The following TSC22D1 variants were observed in gnomAD, a reference collection of about 807,000 sequenced individuals.
The protein encoded by TSC22D1 is TSC22 domain family protein 1.
TSC22D1 carries 9 observed loss-of-function variants against 74.2 expected under a neutral mutation model. That is an observed-to-expected ratio of 0.12 (90% confidence interval 0.07 to 0.21). The LOEUF is 0.21. Among genes scored for constraint, TSC22D1 ranks in the 10% least tolerant of loss-of-function variants. The pLI is 1.00. For missense variants in TSC22D1, 1,427 were observed against 1,304.7 expected, an observed-to-expected ratio of 1.09 and a Z score of -1.44; for synonymous variants, 586 against 492.5, an observed-to-expected ratio of 1.19 and a Z score of -2.51.
chr13:44,572,087 T>C (rs1883808250), intron 1 of TSC22D1, among the ~76,000 whole-genome samples: 1 of 152,194 alleles, frequency 6.6e-6, no homozygotes, highest in Non-Finnish European at 1.5e-5. Flanking sequence ...TAATTAAATA[T>C]CTTGCACGCT....
chr13:44,544,010 C>A (rs1384177045), intron 1 of TSC22D1, among the ~76,000 whole-genome samples: 1 of 152,116 alleles, frequency 6.6e-6, no homozygotes, highest in African/African-American at 2.4e-5. Context: ...GGAGAACCGC[C>A]TGAGCCTGGG....
intron 1 of TSC22D1, among the ~76,000 whole-genome samples, chr13:44,511,619 T>TAC (rs66743224): frequency 0.34 from 50,669 of 147,936 alleles, 8,799 homozygotes; most frequent in Middle Eastern, 0.43. Flanking sequence ...TAAAAAGAAA[T>TAC]ACACACACAC....
rs1874186423 is a variant in TSC22D1 at position 44,433,089 on chromosome 13, T to A, written c.*1537A>T. ...ACCCAGGGTGACAGGGTTCTTAAAG[T>A]GGAAATCAGCTTCTCCAACTTCCGT... On this transcript the variant is annotated 3_prime_UTR_variant, in exon 3 of 3. Transcript: ENST00000458659. 6.6e-6 allele frequency: 1 copy of A among 152,226 alleles called. No homozygotes were observed. Among genetic ancestry groups the A allele is most frequent in the Non-Finnish European group, 1.5e-5 (1 of 68,050 alleles). The allele number at this position is 152,226 out of a possible 1,614,324, so 9.4% of individuals were successfully genotyped here. A position where few individuals can be genotyped will look rare whatever the true frequency, so the allele number is the denominator to read the frequency against.
chr13:44,435,126 C>T, intron 2 of TSC22D1: 1 of 428,618 alleles, frequency 2.3e-6, no homozygotes, highest in Non-Finnish European at 4.1e-6. Flanking sequence ...CAGAAACGCC[C>T]AAGTAAGGCT....
chr13:44,556,995 T>C (rs2138180453), intron 1 of TSC22D1, among the ~76,000 whole-genome samples: 1 of 150,094 alleles, frequency 6.7e-6, no homozygotes, highest in East Asian at 2.0e-4. Flanking sequence ...AATACAAAAT[T>C]AGCCAGGCAT....
chr13:44,465,904 C>T (rs1877253829), intron 1 of TSC22D1, among the ~76,000 whole-genome samples: 1 of 152,112 alleles, frequency 6.6e-6, no homozygotes. Context: ...ACCCAGGAGG[C>T]AGAGGTTGCA....
rs369419866 is a variant in TSC22D1 at position 44,433,107 on chromosome 13, A to G, written c.*1519T>C. 2.0e-5 allele frequency: 3 copies of G among 152,212 alleles called. No individual in the cohort carries two copies. The highest frequency in any genetic ancestry group is 3.8e-4 in the East Asian group (2 of 5,198). The allele number at this position is 152,212 out of a possible 1,614,324, so 9.4% of individuals were successfully genotyped here. A position where few individuals can be genotyped will look rare whatever the true frequency, so the allele number is the denominator to read the frequency against. On this transcript the variant is annotated 3_prime_UTR_variant, in exon 3 of 3. Transcript: ENST00000458659. The stretch of plus-strand genomic sequence containing the variant: ...CTTAAAGTGGAAATCAGCTTCTCCA[A>G]CTTCCGTCTTTTGATCCTAGATCTG...
chr13:44,455,799 TCTAC>T (rs1376696459), intron 1 of TSC22D1, among the ~76,000 whole-genome samples: 1 of 152,214 alleles, frequency 6.6e-6, no homozygotes, highest in African/African-American at 2.4e-5. Context: ...TATCTTTATT[TCTAC>T]CTCACACCAC....
intron 1 of TSC22D1, among the ~76,000 whole-genome samples, chr13:44,518,235 A>C (rs1880145689): frequency 6.6e-6 from 1 of 152,108 alleles, no homozygotes; most frequent in South Asian, 2.1e-4. Flanking sequence ...AAAGAAGTTA[A>C]ACATCTCAGA....
At chr13:44,473,537 C>T (rs1877726049) in intron 1 of TSC22D1, among the ~76,000 whole-genome samples, 1 of 151,870 alleles carries the variant, frequency 6.6e-6, no homozygotes, top group African/African-American at 2.4e-5. Context: ...TAAAACTGTA[C>T]AATTGGATGA....
chr13:44,539,362 T>C (rs1881330155), intron 1 of TSC22D1: 1 of 985,362 alleles, frequency 1.0e-6, no homozygotes, highest in Non-Finnish European at 1.2e-6. Context: ...AGGATAACAC[T>C]TGGACATGTG....
At chr13:44,485,433 T>C (rs1350650296) in intron 1 of TSC22D1, among the ~76,000 whole-genome samples, 2 of 152,182 alleles carry the variant, frequency 1.3e-5, no homozygotes, top group African/African-American at 4.8e-5. Context: ...ACAAGGTTAT[T>C]AAAAGTGTTT....
At chr13:44,527,018 T>C (rs1213573091) in intron 1 of TSC22D1, among the ~76,000 whole-genome samples, 1 of 152,114 alleles carries the variant, frequency 6.6e-6, no homozygotes, top group Non-Finnish European at 1.5e-5. Context: ...TCAGGAACCA[T>C]GCAAGCAAGA....
intron 1 of TSC22D1, among the ~76,000 whole-genome samples, chr13:44,564,542 A>C (rs768511450): frequency 3.3e-4 from 51 of 152,338 alleles, no homozygotes; most frequent in Non-Finnish European, 5.6e-4. Context: ...GCCTAGAAGA[A>C]GAATGGATGA....
At chr13:44,501,289 T>A (rs1879210328) in intron 1 of TSC22D1, among the ~76,000 whole-genome samples, 1 of 152,036 alleles carries the variant, frequency 6.6e-6, no homozygotes, top group Non-Finnish European at 1.5e-5. Flanking sequence ...ATCCCAACGA[T>A]AGGAAATCAC....
At chr13:44,466,566 T>C (rs9533869) in intron 1 of TSC22D1, among the ~76,000 whole-genome samples, 15,059 of 151,570 alleles carry the variant, frequency 0.099, 772 homozygotes, top group Non-Finnish European at 0.11. Context: ...CTCAGGAGTT[T>C]AAGACCAGCC....
chr13:44,532,067 A>T (rs183222189), intron 1 of TSC22D1, among the ~76,000 whole-genome samples: 3 of 152,208 alleles, frequency 2.0e-5, no homozygotes, highest in Admixed American at 2.0e-4. Context: ...TTTTATGTTT[A>T]CACAATTTAA....
rs567638663 is a variant in TSC22D1, at chr13:44,510,136, C to T, written c.2912+63027G>A. ...CGGTGGCTCACACCTGTAATCCTAG[C>T]ACTCTGGGAGGCTGAGGCGGGTGGA... On this transcript the variant is annotated intron_variant, in intron 1 of 2. Transcript: ENST00000458659. 3.3e-3 allele frequency among the ~76,000 whole-genome samples: 504 copies of T among 151,744 alleles called. 2 individuals carry two copies. Among genetic ancestry groups the T allele is most frequent in the Non-Finnish European group, 4.0e-3 (273 of 67,912 alleles).
rs188299649 is a variant in TSC22D1, at chr13:44,435,196, T to C, written c.2965-313A>G. 2,040 of 242,380 alleles carry C rather than the reference T, an allele frequency of 8.4e-3. 49 individuals are homozygous for C. The highest frequency in any genetic ancestry group is 0.04 in the African/African-American group (1,792 of 44,464). The allele number at this position is 242,380 out of a possible 1,614,324, so 15.0% of individuals were successfully genotyped here. The stretch of plus-strand genomic sequence containing the variant: ...CCGACTGAGACCAGCAGCGGGGACG[T>C]CCAAGCCACAGCGCGCCCACCGCGT... On this transcript the variant is annotated intron_variant, in intron 2 of 2. Coordinates refer to ENST00000458659, the MANE Select transcript of TSC22D1 (RefSeq NM_183422.4).
Sources: gnomAD v4.1 joint callset for allele counts (sites outside exome capture counted in the v4.1 genomes callset) on GRCh38, gnomAD v4.1.1 for gene constraint, MANE v1.5 for transcripts, NCBI Gene and HGNC (gene_info 2026-07-23, HGNC 2026-07-21) for gene names.